Variants in ABI3BP observed in about 807,000 individuals in gnomAD.
ABI3BP encodes target of Nesh-SH3.
Under a neutral mutation model 268.6 loss-of-function variants are expected in ABI3BP, and 216 were observed. The ratio of observed to expected loss-of-function variants is 0.80; its 90% confidence interval spans 0.72 to 0.90. The LOEUF (loss-of-function observed/expected upper bound fraction) is 0.90. Among genes scored for constraint, ABI3BP ranks in the 40% least tolerant of loss-of-function variants. The pLI is 0.00. For synonymous variants in ABI3BP, 730 were observed against 730.0 expected (o/e 1.00, Z 0.00); for missense variants, 2,090 against 2,182.4 (o/e 0.96, Z 0.84).
intron 63 of ABI3BP, among the ~76,000 whole-genome samples, chr3:100,758,926 A>T (rs1296875740): frequency 6.6e-6 from 1 of 152,212 alleles, no homozygotes; most frequent in Non-Finnish European, 1.5e-5. Context: ...AATATCCTCA[A>T]GCATAACCTT....
intron 61 of ABI3BP, among the ~76,000 whole-genome samples, chr3:100,773,545 T>G (rs996984893): frequency 6.6e-6 from 1 of 152,200 alleles, no homozygotes; most frequent in African/African-American, 2.4e-5. Flanking sequence ...AAAACAGTCT[T>G]TTAAAATGTT....
chr3:100,986,868 C>A (rs576139490), intron 1 of ABI3BP, among the ~76,000 whole-genome samples: 3 of 152,164 alleles, frequency 2.0e-5, no homozygotes, highest in East Asian at 3.9e-4. Flanking sequence ...TGGTTATCAT[C>A]TTTTAAAATG....
At chr3:100,844,193 T>C (rs2098741516) in intron 20 of ABI3BP, 1 of 985,300 alleles carries the variant, frequency 1.0e-6, no homozygotes, top group Non-Finnish European at 1.2e-6. Context: ...TTGACTCACA[T>C]GTGTGTAGGA....
chr3:100,838,102 A>G lies in ABI3BP; in HGVS notation c.2083+108T>C, dbSNP rs969293672. On this transcript the variant is annotated intron_variant, in intron 26 of 67. Coordinates refer to ENST00000471714, the MANE Select transcript of ABI3BP (RefSeq NM_001375547.2). Reference sequence around the variant, plus strand: ...CTTGGAGAAGATAATGAACAAAATTATGGTATTTGGATTTCTATGATTTAT... The same window carrying G: ...CTTGGAGAAGATAATGAACAAAATTGTGGTATTTGGATTTCTATGATTTAT... 5 of 1,254,024 alleles carry G rather than the reference A, an allele frequency of 4.0e-6. No homozygotes were observed. In the African/African-American group the frequency reaches 7.5e-5, roughly 19 times the overall value. The allele number at this position is 1,254,024 out of a possible 1,614,324, so 77.7% of individuals were successfully genotyped here.
At chr3:100,788,642 T>G (rs1270344737) in intron 56 of ABI3BP, among the ~76,000 whole-genome samples, 1 of 152,080 alleles carries the variant, frequency 6.6e-6, no homozygotes, top group Non-Finnish European at 1.5e-5. Flanking sequence ...CAGAGAGAAA[T>G]ACACATGGTT....
chr3:100,896,254 T>C (rs1244156069), intron 4 of ABI3BP, among the ~76,000 whole-genome samples: 3 of 152,170 alleles, frequency 2.0e-5, no homozygotes, highest in African/African-American at 4.8e-5. Context: ...GATCCATGCA[T>C]GGTCTGAATA....
At chr3:100,867,133 T>G (rs1201719685) in intron 9 of ABI3BP, among the ~76,000 whole-genome samples, 177 bp from the exon 10 acceptor site, 2 of 152,206 alleles carry the variant, frequency 1.3e-5, no homozygotes, top group African/African-American at 4.8e-5. Flanking sequence ...AAATTCTTTC[T>G]TATTAACCCT....
intron 14 of ABI3BP, among the ~76,000 whole-genome samples, chr3:100,855,618 T>C (rs2098930589): frequency 6.6e-6 from 1 of 152,244 alleles, no homozygotes; most frequent in Admixed American, 6.5e-5. Flanking sequence ...TAAGGATAAC[T>C]TTCTGGCTTA....
rs189187791 is a variant in ABI3BP, at chr3:100,917,714, G to A, written c.259+8588C>T. On this transcript the variant is annotated intron_variant, in intron 2 of 67. Transcript: ENST00000471714. ...ATTGTGGGTTACATTTGAAAAAACTGTGCTTTATAGTAAAATATTGTGAAT... is the reference window on the plus strand; with the variant it reads ...ATTGTGGGTTACATTTGAAAAAACTATGCTTTATAGTAAAATATTGTGAAT... Among the ~76,000 whole-genome samples, 181 of 152,216 alleles carry A rather than the reference G, an allele frequency of 1.2e-3. 1 individual carries two copies. The highest frequency in any genetic ancestry group is 5.8e-4 in the East Asian group (3 of 5,172).
chr3:100,760,401 A>G (rs1249020500), intron 63 of ABI3BP, among the ~76,000 whole-genome samples: 1 of 152,222 alleles, frequency 6.6e-6, no homozygotes, highest in Admixed American at 6.5e-5. Context: ...TTGCCCAGCC[A>G]GTTCATTAGG....
intron 40 of ABI3BP, among the ~76,000 whole-genome samples, chr3:100,819,735 AG>A (rs2098151698): frequency 6.6e-6 from 1 of 151,924 alleles, no homozygotes. Context: ...GCAGATAACA[AG>A]GTCAGGAGTT....
At chr3:100,909,648 G>C (rs1484242404) in intron 2 of ABI3BP, among the ~76,000 whole-genome samples, 1 of 152,180 alleles carries the variant, frequency 6.6e-6, no homozygotes, top group African/African-American at 2.4e-5. Flanking sequence ...CATTTATGCA[G>C]CCAACAAACA....
At chr3:100,927,117 C>T (rs1213432682) in intron 1 of ABI3BP, among the ~76,000 whole-genome samples, 1 of 152,144 alleles carries the variant, frequency 6.6e-6, no homozygotes, top group Non-Finnish European at 1.5e-5. Context: ...CGAGACCCAT[C>T]TGGGTGTCAT....
At chr3:100,807,958 A>G (rs1039530110) in intron 50 of ABI3BP, among the ~76,000 whole-genome samples, 1 of 151,962 alleles carries the variant, frequency 6.6e-6, no homozygotes, top group African/African-American at 2.4e-5. Flanking sequence ...CATTAAGGGA[A>G]GCTTTGTGGA....
intron 2 of ABI3BP, among the ~76,000 whole-genome samples, chr3:100,917,249 CACACACACGACA>C (rs2153591184): frequency 6.6e-6 from 1 of 152,240 alleles, no homozygotes; most frequent in African/African-American, 2.4e-5. Flanking sequence ...ACAGAAGAAA[CACACACACGACA>C]AAAACAATTG....
intron 2 of ABI3BP, among the ~76,000 whole-genome samples, chr3:100,914,242 CT>C (rs1455270346): frequency 6.6e-6 from 1 of 152,132 alleles, no homozygotes; most frequent in Non-Finnish European, 1.5e-5. Context: ...AAATCCTACA[CT>C]ATTCAGTAAT....
intron 1 of ABI3BP, among the ~76,000 whole-genome samples, chr3:100,982,254 G>C (rs1030743212): frequency 2.0e-5 from 3 of 152,084 alleles, no homozygotes; most frequent in Non-Finnish European, 4.4e-5. Context: ...ATTACAATTC[G>C]AGACAAGATT....
chr3:100,834,813 A>G, intron 28 of ABI3BP, 40 bp from the exon 29 acceptor site: 1 of 1,506,458 alleles, frequency 6.6e-7, no homozygotes, highest in African/African-American at 1.4e-5. Context: ...ATATGACTCC[A>G]GAAACCAAAG....
In ABI3BP at chr3:100,749,555, G is replaced by T. The variant is rs2095211457; in HGVS notation, c.*940C>A. The T allele has an allele frequency of 2.8e-6, 1 of 353,536 alleles. No homozygotes were observed. Among genetic ancestry groups the T allele is most frequent in the Admixed American group, 5.6e-5 (1 of 17,776 alleles). The allele number at this position is 353,536 out of a possible 1,614,324, so 21.9% of individuals were successfully genotyped here. A position where few individuals can be genotyped will look rare whatever the true frequency, so the allele number is the denominator to read the frequency against. ...GTTAGTTAGATTTTTATTACAGATT[G>T]AATTAAACAGTTACAAAGACATTCT... On this transcript the variant is annotated 3_prime_UTR_variant, in exon 68 of 68. Transcript: ENST00000471714.
Sources: allele counts gnomAD v4.1 joint callset (sites outside exome capture counted in the v4.1 genomes callset), GRCh38; gene constraint gnomAD v4.1.1; transcripts MANE v1.5; gene names NCBI Gene and HGNC (gene_info 2026-07-23, HGNC 2026-07-21).